The following LIN7A variants were observed in gnomAD, a reference collection of about 807,000 sequenced individuals.
LIN7A encodes protein lin-7 homolog A.
In LIN7A, 25 loss-of-function variants were observed where a neutral mutation model predicts 29.8. The observed-to-expected ratio is 0.84, with a 90% CI of 0.61 to 1.17. The LOEUF is 1.17. Ranked by LOEUF, LIN7A falls within the 50% of genes most tolerant of loss-of-function variation. LIN7A has a pLI of 0.00. For synonymous variants in LIN7A, 118 were observed against 107.5 expected (o/e 1.10, Z -0.60); for missense variants, 239 against 287.0 (o/e 0.83, Z 1.21).
intron 4 of LIN7A, among the ~76,000 whole-genome samples, chr12:80,843,902 C>A (rs996828521): frequency 1.3e-5 from 2 of 151,972 alleles, no homozygotes. Flanking sequence ...GTGTTCCCTG[C>A]AAATGTTTAT....
intron 4 of LIN7A, among the ~76,000 whole-genome samples, chr12:80,825,425 A>T (rs989178427): frequency 1.3e-5 from 2 of 152,176 alleles, no homozygotes; most frequent in Non-Finnish European, 2.9e-5. Flanking sequence ...TCAGATGAAG[A>T]CTTTAAAATG....
At chr12:80,802,774 G>A (rs984758274) in intron 5 of LIN7A, among the ~76,000 whole-genome samples, 1 of 151,560 alleles carries the variant, frequency 6.6e-6, no homozygotes, top group African/African-American at 2.4e-5. Flanking sequence ...CTGTGTAGCC[G>A]GGACTACAGG....
At chr12:80,823,363 C>A (rs981834209) in intron 4 of LIN7A, among the ~76,000 whole-genome samples, 2 of 152,222 alleles carry the variant, frequency 1.3e-5, no homozygotes, top group Non-Finnish European at 2.9e-5. Flanking sequence ...CAGTTCCTGG[C>A]TACTCCAAGC....
rs184675156 is a variant in LIN7A at position 80,884,404 on chromosome 12, A to G, written c.201+4847T>C. Among the ~76,000 whole-genome samples, 234 of 152,322 alleles carry G rather than the reference A, an allele frequency of 1.5e-3. 1 individual carries two copies. The highest frequency in any genetic ancestry group is 2.1e-3 in the Non-Finnish European group (143 of 68,004). On this transcript the variant is annotated intron_variant, in intron 2 of 5. Transcript: ENST00000552864. Reference sequence around the variant, plus strand: ...TATTTCTTGCTCAGACTACATGTTCATAAAAGGTTATCTAGAGTCTCTATT... The same window carrying G: ...TATTTCTTGCTCAGACTACATGTTCGTAAAAGGTTATCTAGAGTCTCTATT...
chr12:80,835,268 C>T lies in LIN7A; in HGVS notation c.483+10462G>A, dbSNP rs1872550955. On this transcript the variant is annotated intron_variant, in intron 4 of 5. Transcript: ENST00000552864. The stretch of plus-strand genomic sequence containing the variant: ...TTAATAATAATATACAGCAACAATG[C>T]TGTGTAATTGTGGAAGCATAAGTCT... Among the ~76,000 whole-genome samples the T allele has an allele frequency of 2.0e-5, 3 of 152,076 alleles. No individual in the cohort carries two copies. In the South Asian group the frequency reaches 6.2e-4, roughly 32 times the overall value.
chr12:80,904,716 T>G (rs573034543), intron 1 of LIN7A, among the ~76,000 whole-genome samples: 1 of 152,316 alleles, frequency 6.6e-6, no homozygotes, highest in Admixed American at 6.5e-5. Flanking sequence ...TAGAGGTGTT[T>G]CAGATTTTGG....
intron 1 of LIN7A, among the ~76,000 whole-genome samples, chr12:80,933,224 G>A (rs1221767677): frequency 6.6e-6 from 1 of 152,082 alleles, no homozygotes; most frequent in Non-Finnish European, 1.5e-5. Context: ...GAAGCAAAAA[G>A]CTGATCTATA....
rs1870326220 is a variant in LIN7A, at chr12:80,793,959, G to C, written c.*3768C>G. ...GAGTTCAACTCAGCATAAAAACTCT[G>C]TATCCCCAAACATTGTTCCTTATCC... On this transcript the variant is annotated 3_prime_UTR_variant, in exon 6 of 6. Coordinates refer to ENST00000552864, the MANE Select transcript of LIN7A (RefSeq NM_004664.4). The C allele has an allele frequency of 6.6e-6, 1 of 152,110 alleles. No homozygotes were observed. The highest frequency in any genetic ancestry group is 2.1e-4 in the South Asian group (1 of 4,830). The allele number at this position is 152,110 out of a possible 1,614,324, so 9.4% of individuals were successfully genotyped here. A position where few individuals can be genotyped will look rare whatever the true frequency, so the allele number is the denominator to read the frequency against.
intron 1 of LIN7A, among the ~76,000 whole-genome samples, chr12:80,923,952 A>G (rs1049376113): frequency 6.6e-6 from 1 of 152,216 alleles, no homozygotes; most frequent in African/African-American, 2.4e-5. Flanking sequence ...TTGTTGCCTT[A>G]TAAGTTTATT....
intron 4 of LIN7A, among the ~76,000 whole-genome samples, chr12:80,830,127 C>T (rs187730467): frequency 6.6e-6 from 1 of 152,252 alleles, no homozygotes; most frequent in East Asian, 1.9e-4. Flanking sequence ...TGGGCCCTTC[C>T]TTGTGATGTC....
chr12:80,855,170 G>C (rs1873536037), intron 2 of LIN7A, among the ~76,000 whole-genome samples: 1 of 151,844 alleles, frequency 6.6e-6, no homozygotes, highest in Admixed American at 6.6e-5. Flanking sequence ...ATTAGACCAA[G>C]TTATCTCAAG....
intron 1 of LIN7A, among the ~76,000 whole-genome samples, chr12:80,919,126 C>T (rs922933363): frequency 2.6e-5 from 4 of 152,132 alleles, no homozygotes; most frequent in African/African-American, 9.7e-5. Flanking sequence ...GTATTTCCAT[C>T]GTTAAGGAAT....
intron 1 of LIN7A, among the ~76,000 whole-genome samples, chr12:80,902,115 C>G (rs1434601043): frequency 2.6e-5 from 4 of 151,958 alleles, no homozygotes; most frequent in Admixed American, 1.3e-4. Flanking sequence ...AAGAGAGTGT[C>G]TTTCCCCCAT....
intron 2 of LIN7A, among the ~76,000 whole-genome samples, chr12:80,877,968 A>T (rs771581677): frequency 1.3e-5 from 2 of 152,138 alleles, no homozygotes; most frequent in African/African-American, 2.4e-5. Context: ...ACTCTATCTG[A>T]CTGATACAAA....
intron 4 of LIN7A, among the ~76,000 whole-genome samples, chr12:80,835,482 G>A (rs1279017010): frequency 6.6e-6 from 1 of 152,112 alleles, no homozygotes; most frequent in Admixed American, 6.5e-5. Flanking sequence ...TTTAATGGGG[G>A]ACTTTTATTG....
intron 2 of LIN7A, among the ~76,000 whole-genome samples, chr12:80,872,788 T>C (rs906372822): frequency 3.3e-5 from 5 of 152,232 alleles, no homozygotes; most frequent in African/African-American, 1.2e-4. Context: ...AAATAATTAC[T>C]GTCCCATATA....
At chr12:80,826,285 A>C (rs571531589) in intron 4 of LIN7A, among the ~76,000 whole-genome samples, 21 of 152,312 alleles carry the variant, frequency 1.4e-4, no homozygotes, top group African/African-American at 3.8e-4. Context: ...TAACCTCCAA[A>C]GATTCTTTTC....
At chr12:80,806,916 G>A (rs1169415333) in intron 5 of LIN7A, among the ~76,000 whole-genome samples, 1 of 152,010 alleles carries the variant, frequency 6.6e-6, no homozygotes, top group Non-Finnish European at 1.5e-5. Flanking sequence ...GTGCCATCTT[G>A]GCAGGCACAA....
At chr12:80,839,762 T>A (rs977092902) in intron 4 of LIN7A, among the ~76,000 whole-genome samples, 9 of 152,154 alleles carry the variant, frequency 5.9e-5, no homozygotes, top group Non-Finnish European at 1.2e-4. Flanking sequence ...GGGCTGTGAG[T>A]ACTTACTTTC....
Sources: allele counts gnomAD v4.1 joint callset (sites outside exome capture counted in the v4.1 genomes callset), GRCh38; gene constraint gnomAD v4.1.1; transcripts MANE v1.5; gene names NCBI Gene and HGNC (gene_info 2026-07-23, HGNC 2026-07-21).